The following PRRC2B variants were observed in gnomAD, a reference collection of about 807,000 sequenced individuals.
PRRC2B encodes proline rich coiled-coil 2B, also known as protein PRRC2B.
PRRC2B carries 68 observed loss-of-function variants against 242.3 expected under a neutral mutation model. The ratio of observed to expected loss-of-function variants is 0.28; its 90% CI spans 0.23 to 0.34. The LOEUF (loss-of-function observed/expected upper bound fraction) is 0.34. Ranked by LOEUF, PRRC2B falls within the 10% of genes least tolerant of loss-of-function variation. The probability of loss-of-function intolerance (pLI) is 1.00; values close to 1 mark genes in which losing one functional copy is unlikely to be tolerated. For synonymous variants in PRRC2B, 1,228 were observed against 1,173.6 expected (o/e 1.05, Z -0.95); for missense variants, 2,835 against 2,954.8 (o/e 0.96, Z 0.94).
rs1384407521 is a variant in PRRC2B, at chr9:131,473,635, C to T, written c.2235C>T (p.Ser745=). ...CCATCGACTCACCCCCTGTGTGGAG[C>T]CCAGAGGGCTACATGGCACTGCAGA... is the stretch of plus-strand genomic sequence containing the variant. ...VTPIDSPPVW[S]PEGYMALQSK... Residue 745 remains serine, a synonymous_variant, in exon 15 of 32, where the codon AGC becomes AGT. Coordinates refer to ENST00000683519, the MANE Select transcript of PRRC2B (RefSeq NM_013318.4). 2 of 1,613,788 alleles carry T rather than the reference C, an allele frequency of 1.2e-6. No individual in the cohort carries two copies. Among genetic ancestry groups the T allele is most frequent in the South Asian group, 1.1e-5 (1 of 91,062 alleles).
chr9:131,483,461 CACTTTTGG>C lies in PRRC2B; in HGVS notation c.5460+17_5460+24del. The C allele has an allele frequency of 6.2e-7, 1 of 1,610,912 alleles. No homozygotes were observed. The highest frequency in any genetic ancestry group is 8.5e-7 in the Non-Finnish European group (1 of 1,177,416). ...GGCCAGTAATGTAAGTCCACACTTC[CACTTTTGG>C]CTCCACTCACTGCTTGGGGCTGGCA... is the stretch of plus-strand genomic sequence containing the variant. On this transcript the variant is annotated intron_variant, in intron 23 of 31. Coordinates refer to ENST00000683519, the MANE Select transcript of PRRC2B (RefSeq NM_013318.4).
At chr9:131,381,581 G>C (rs1836760766) in intron 1 of PRRC2B, among the ~76,000 whole-genome samples, 1 of 151,650 alleles carries the variant, frequency 6.6e-6, no homozygotes, top group African/African-American at 2.4e-5. Context: ...ACCATGCCCA[G>C]CCAATTGTTT....
intron 1 of PRRC2B, among the ~76,000 whole-genome samples, chr9:131,407,443 G>A (rs151234171): frequency 6.6e-6 from 1 of 152,294 alleles, no homozygotes; most frequent in East Asian, 1.9e-4. Flanking sequence ...CCGTTCTGAA[G>A]TCACAGCTTG....
At chr9:131,416,114 C>CTTTCTTTT (rs1554758217) in intron 1 of PRRC2B, among the ~76,000 whole-genome samples, 74 of 145,310 alleles carry the variant, frequency 5.1e-4, no homozygotes, top group African/African-American at 1.8e-3. Flanking sequence ...TCTTTTCTTT[C>CTTTCTTTT]TTTTTTTTTT....
intron 11 of PRRC2B, among the ~76,000 whole-genome samples, chr9:131,464,216 A>G (rs1943327200): frequency 6.6e-6 from 1 of 152,234 alleles, no homozygotes; most frequent in Non-Finnish European, 1.5e-5. Context: ...TGCTGGGATT[A>G]CAGGCGTGAG....
chr9:131,492,289 T>C (rs1474690767), intron 30 of PRRC2B, 29 bp downstream of exon 30: 1 of 1,572,614 alleles, frequency 6.4e-7, no homozygotes, highest in Non-Finnish European at 8.8e-7. Flanking sequence ...GACTGCGTGC[T>C]GTGTAGCTGA....
At chr9:131,495,087 A>T (rs900551618) in intron 31 of PRRC2B, among the ~76,000 whole-genome samples, 3 of 152,110 alleles carry the variant, frequency 2.0e-5, no homozygotes, top group Non-Finnish European at 4.4e-5. Context: ...CCTAGGGGTC[A>T]TGAAAGTTGT....
chr9:131,396,112 C>T (rs933931494), intron 1 of PRRC2B, among the ~76,000 whole-genome samples: 5 of 152,126 alleles, frequency 3.3e-5, no homozygotes, highest in African/African-American at 1.2e-4. Flanking sequence ...ATTATGCCTG[C>T]CTTGGGTATC....
At chr9:131,451,138 G>A (rs1168983888) in intron 9 of PRRC2B, among the ~76,000 whole-genome samples, 3 of 152,292 alleles carry the variant, frequency 2.0e-5, no homozygotes, top group East Asian at 3.9e-4. Context: ...AGTGGCTCAC[G>A]CCTGTAATCC....
intron 1 of PRRC2B, among the ~76,000 whole-genome samples, chr9:131,398,378 G>A (rs973627643): frequency 3.3e-5 from 5 of 152,230 alleles, no homozygotes; most frequent in African/African-American, 1.2e-4. Flanking sequence ...GTGCACCTCC[G>A]AGGTGCTGGC....
chr9:131,490,008 A>G (rs1944141872), intron 28 of PRRC2B, among the ~76,000 whole-genome samples: 1 of 152,032 alleles, frequency 6.6e-6, no homozygotes, highest in Admixed American at 6.5e-5. Context: ...GGTGTGTTTC[A>G]AGAGTCATGG....
chr9:131,462,654 A>G (rs1943273244), intron 11 of PRRC2B, among the ~76,000 whole-genome samples: 1 of 151,446 alleles, frequency 6.6e-6, no homozygotes, highest in Non-Finnish European at 1.5e-5. Context: ...CCTGACCAAC[A>G]TGGTGAAACC....
At chr9:131,445,993 C>T (rs565709336) in intron 6 of PRRC2B, among the ~76,000 whole-genome samples, 3 of 152,274 alleles carry the variant, frequency 2.0e-5, no homozygotes, top group South Asian at 2.1e-4. Flanking sequence ...CCACTGTGCC[C>T]GGAACTTGCT....
At chr9:131,399,349 G>A (rs1050692768) in intron 1 of PRRC2B, among the ~76,000 whole-genome samples, 2 of 151,452 alleles carry the variant, frequency 1.3e-5, no homozygotes, top group Non-Finnish European at 2.9e-5. Context: ...GGAGGCTGAG[G>A]TGGGCGGATC....
chr9:131,393,827 C>T (rs1346142430), upstream of PRRC2B, among the ~76,000 whole-genome samples: 3 of 151,318 alleles, frequency 2.0e-5, no homozygotes, highest in African/African-American at 4.8e-5. Context: ...GCCCCGTTCT[C>T]TCCCGCCTCT....
chr9:131,459,851 T>TA (rs375381646), intron 11 of PRRC2B, among the ~76,000 whole-genome samples: 25 of 150,040 alleles, frequency 1.7e-4, no homozygotes, highest in East Asian at 2.0e-4. Context: ...TTGTTATAGT[T>TA]AAAAAAAATT....
At chr9:131,479,449 G>T in intron 19 of PRRC2B, 56 bp downstream of exon 19, 1 of 1,562,156 alleles carries the variant, frequency 6.4e-7, no homozygotes, top group Non-Finnish European at 8.7e-7. Flanking sequence ...TCACACACTG[G>T]GTTTGCTTCT....
At chr9:131,463,115 G>A (rs752258760) in intron 11 of PRRC2B, among the ~76,000 whole-genome samples, 9 of 152,112 alleles carry the variant, frequency 5.9e-5, no homozygotes, top group South Asian at 2.1e-4. Flanking sequence ...ATACACAGCC[G>A]TTAGAAAGGT....
chr9:131,387,841 T>A (rs2131267777), intron 1 of PRRC2B, among the ~76,000 whole-genome samples: 1 of 150,970 alleles, frequency 6.6e-6, no homozygotes, highest in Middle Eastern at 3.4e-3. Flanking sequence ...TTTATAATTT[T>A]AAAATATTAA....
Sources: gnomAD v4.1 joint callset for allele counts (sites outside exome capture counted in the v4.1 genomes callset) on GRCh38, gnomAD v4.1.1 for gene constraint, MANE v1.5 for transcripts, NCBI Gene and HGNC (gene_info 2026-07-23, HGNC 2026-07-21) for gene names.